The following REDIC1 variants were observed in gnomAD, a reference collection of about 807,000 sequenced individuals.
REDIC1 encodes HEI10 Interacting Protein 1.
chr12:39,705,692 C>G, the REDIC1 span, among the ~76,000 whole-genome samples: 1 of 152,026 alleles, frequency 6.6e-6, no homozygotes, highest in Non-Finnish European at 1.5e-5. Flanking sequence ...ATCATAATAA[C>G]AGAATGAAGG....
chr12:39,711,739 GTGTGTATA>G, the REDIC1 span, among the ~76,000 whole-genome samples: 546 of 130,656 alleles, frequency 4.2e-3, 11 homozygotes, highest in Middle Eastern at 0.014. Flanking sequence ...ATGTGTGTAT[GTGTGTATA>G]CACATGCATG....
At chr12:39,834,578 T>C in the REDIC1 span, among the ~76,000 whole-genome samples, 1 of 152,078 alleles carries the variant, frequency 6.6e-6, no homozygotes, top group African/African-American at 2.4e-5. Flanking sequence ...TGCTACTCCA[T>C]ACTGCCCCTC....
the REDIC1 span, among the ~76,000 whole-genome samples, chr12:39,898,426 A>G: frequency 6.6e-6 from 1 of 152,158 alleles, no homozygotes; most frequent in Non-Finnish European, 1.5e-5. Flanking sequence ...AAGTAAAATA[A>G]CCAGTGTTTG....
chr12:39,852,113 C>T, the REDIC1 span, among the ~76,000 whole-genome samples: 180 of 152,288 alleles, frequency 1.2e-3, 2 homozygotes, highest in African/African-American at 4.0e-3. Context: ...AAAGTGATTT[C>T]TAATTATCTA....
At chr12:39,626,500 G>A in the REDIC1 span, 1 of 1,066,328 alleles carries the variant, frequency 9.4e-7, no homozygotes, top group Non-Finnish European at 1.4e-6. Context: ...AATCGGGTTG[G>A]AGACTCTAGA....
chr12:39,885,110 T>A, the REDIC1 span, among the ~76,000 whole-genome samples: 1 of 152,148 alleles, frequency 6.6e-6, no homozygotes, highest in African/African-American at 2.4e-5. Context: ...AGGGGGCTGA[T>A]GATGAAATGG....
chr12:39,648,374 T>C, the REDIC1 span, among the ~76,000 whole-genome samples: 1 of 151,636 alleles, frequency 6.6e-6, no homozygotes, highest in Non-Finnish European at 1.5e-5. Flanking sequence ...TTCAGAGATG[T>C]CGTAGTAGTC....
chr12:39,674,857 C>G, the REDIC1 span, among the ~76,000 whole-genome samples: 2 of 152,160 alleles, frequency 1.3e-5, no homozygotes, highest in African/African-American at 4.8e-5. Context: ...TCTGACTGAA[C>G]TCTGTAATAA....
the REDIC1 span, among the ~76,000 whole-genome samples, chr12:39,684,580 G>T: frequency 6.6e-6 from 1 of 152,148 alleles, no homozygotes; most frequent in African/African-American, 2.4e-5. Flanking sequence ...AAAAAATCAT[G>T]TTAGGCCTTG....
chr12:39,896,081 T>TAC, the REDIC1 span, among the ~76,000 whole-genome samples: 4 of 4,764 alleles, frequency 8.4e-4, no homozygotes, highest in Non-Finnish European at 2.9e-3. Context: ...TATACACGTG[T>TAC]ACATATATGT....
the REDIC1 span, among the ~76,000 whole-genome samples, chr12:39,886,598 TG>T: frequency 6.6e-6 from 1 of 152,156 alleles, no homozygotes; most frequent in Non-Finnish European, 1.5e-5. Context: ...GAGATATTTC[TG>T]AGTTAAATGT....
chr12:39,758,898 T>C, the REDIC1 span: 1 of 152,016 alleles, frequency 6.6e-6, no homozygotes, highest in Non-Finnish European at 1.5e-5. Context: ...AATAATAATA[T>C]GTGACATTTC....
chr12:39,750,667 CA>C, the REDIC1 span, among the ~76,000 whole-genome samples: 1 of 152,160 alleles, frequency 6.6e-6, no homozygotes, highest in East Asian at 1.9e-4. Context: ...AACTATACTA[CA>C]AGGCTACAGT....
At chr12:39,830,292 T>G in the REDIC1 span, 2 of 1,559,630 alleles carry the variant, frequency 1.3e-6, no homozygotes, top group South Asian at 1.2e-5. Flanking sequence ...ATATACTGGA[T>G]TCCATGTGCT....
the REDIC1 span, among the ~76,000 whole-genome samples, chr12:39,885,087 T>C: frequency 6.6e-6 from 1 of 152,174 alleles, no homozygotes; most frequent in Non-Finnish European, 1.5e-5. Context: ...CATTTAAGAG[T>C]TGCCTTTCAG....
chr12:39,692,515 CTA>C, the REDIC1 span, among the ~76,000 whole-genome samples: 1 of 140,480 alleles, frequency 7.1e-6, no homozygotes. Context: ...TGATCCAACT[CTA>C]TATATTTTTC....
the REDIC1 span, chr12:39,682,485 A>G: frequency 1.9e-6 from 1 of 528,470 alleles, no homozygotes; most frequent in Non-Finnish European, 2.9e-6. Flanking sequence ...AATATAAAAA[A>G]TAAAAACATA....
At chr12:39,878,478 A>G in the REDIC1 span, among the ~76,000 whole-genome samples, 1 of 152,244 alleles carries the variant, frequency 6.6e-6, no homozygotes, top group African/African-American at 2.4e-5. Flanking sequence ...GGTCATGTGT[A>G]TTATGCCTTA....
At chr12:39,883,802 A>T in the REDIC1 span, among the ~76,000 whole-genome samples, 5 of 152,332 alleles carry the variant, frequency 3.3e-5, no homozygotes, top group Non-Finnish European at 5.9e-5. Flanking sequence ...TATAACTCTG[A>T]ATCTCTACGG....
Sources: gnomAD v4.1 joint callset for allele counts (sites outside exome capture counted in the v4.1 genomes callset) on GRCh38, gnomAD v4.1.1 for gene constraint, MANE v1.5 for transcripts, NCBI Gene and HGNC (gene_info 2026-07-23, HGNC 2026-07-21) for gene names.